Variants in KCNQ1 observed in about 807,000 individuals in gnomAD.
KCNQ1 encodes potassium voltage-gated channel subfamily Q member 1.
KCNQ1 carries 49 observed loss-of-function variants against 72.4 expected under a neutral mutation model. That is an observed-to-expected ratio of 0.68 (90% CI 0.54 to 0.86). KCNQ1 has a LOEUF of 0.86. Among genes scored for constraint, KCNQ1 ranks in the 40% least tolerant of loss-of-function variants. The probability of loss-of-function intolerance (pLI) is 0.00; values close to 1 mark genes in which losing one functional copy is unlikely to be tolerated. For missense variants in KCNQ1, 790 were observed against 945.1 expected, an observed-to-expected ratio of 0.84 and a Z score of 2.15; for synonymous variants, 450 against 412.6, an observed-to-expected ratio of 1.09 and a Z score of -1.10.
chr11:2,802,060 G>C (rs1847278003), intron 15 of KCNQ1, among the ~76,000 whole-genome samples: 1 of 152,238 alleles, frequency 6.6e-6, no homozygotes, highest in South Asian at 2.1e-4. Context: ...TGCGGAGCGG[G>C]GCGCGGTGGG....
At position 2,451,667 on chromosome 11, in the gene KCNQ1, G is replaced by C. The variant is rs1289585270; in HGVS notation, c.386+6183G>C. ...GCATCTGCCTGGCCGCCTCTGGCAG[G>C]AACTTCTCCTGATGGAAGAGCCGGG... is the stretch of plus-strand genomic sequence containing the variant. On this transcript the variant is annotated intron_variant, in intron 1 of 15. Coordinates refer to ENST00000155840, the MANE Select transcript of KCNQ1 (RefSeq NM_000218.3). The surrounding 1 kb of genome is among the most constrained non-coding windows in gnomAD (Gnocchi z 6.4). Among the ~76,000 whole-genome samples, 2 of 152,172 alleles carry C rather than the reference G, an allele frequency of 1.3e-5. No homozygotes were observed. Among genetic ancestry groups the C allele is most frequent in the Non-Finnish European group, 2.9e-5 (2 of 68,032 alleles).
intron 11 of KCNQ1, chr11:2,685,388 G>T (rs1053692405): frequency 3.3e-5 from 13 of 398,558 alleles, no homozygotes; most frequent in Admixed American, 2.6e-4. Context: ...ATGGGCAGGG[G>T]ATAGATGTGT....
intron 11 of KCNQ1, among the ~76,000 whole-genome samples, chr11:2,726,021 C>T (rs948746689): frequency 7.2e-5 from 11 of 152,370 alleles, no homozygotes; most frequent in African/African-American, 2.6e-4. Flanking sequence ...TTCATGAATT[C>T]CAGAGCACTT....
Position 2,598,783 on chromosome 11 carries a change from G to A in KCNQ1, c.1393+9929G>A, listed in dbSNP as rs531514774. ...CCCAGCTCTGCCATTTTCTTATGTG[G>A]CCCTAAGCAAGCTACTGCATTCTCT... On this transcript the variant is annotated intron_variant, in intron 10 of 15. Coordinates refer to ENST00000155840, the MANE Select transcript of KCNQ1 (RefSeq NM_000218.3). This position sits in a 1 kb window ranked among gnomAD's most constrained non-coding sequence, Gnocchi z 6.2. Among the ~76,000 whole-genome samples, 48 of 152,264 alleles carry A rather than the reference G, an allele frequency of 3.2e-4. No homozygotes were observed. The highest frequency in any genetic ancestry group is 9.9e-4 in the African/African-American group (41 of 41,538).
intron 15 of KCNQ1, among the ~76,000 whole-genome samples, chr11:2,807,796 C>T (rs531663647): frequency 2.6e-5 from 4 of 152,290 alleles, no homozygotes; most frequent in African/African-American, 9.6e-5. Context: ...CTCTTTCCCC[C>T]ATCACGATAC....
intron 2 of KCNQ1, among the ~76,000 whole-genome samples, chr11:2,531,058 ACCACAG>A (rs1259140107): frequency 6.6e-6 from 1 of 152,152 alleles, no homozygotes; most frequent in Admixed American, 6.5e-5. Context: ...GTCTGTCAGC[ACCACAG>A]CGTCCAAGTT....
rs1018275407 is a variant in KCNQ1 at position 2,818,618 on chromosome 11, C to A, written c.1795-29149C>A. On this transcript the variant is annotated intron_variant, in intron 15 of 15. Coordinates refer to ENST00000155840, the MANE Select transcript of KCNQ1 (RefSeq NM_000218.3). The surrounding 1 kb of genome is among the most constrained non-coding windows in gnomAD (Gnocchi z 7.2). ...GAGGCTGGAAGCCCCCGGAATGCGG[C>A]CCACCCTGTCTCCAGTTGTTCCCTA... Among the ~76,000 whole-genome samples the A allele has an allele frequency of 6.6e-6, 1 of 152,158 alleles. No individual in the cohort carries two copies. Among genetic ancestry groups the A allele is most frequent in the African/African-American group, 2.4e-5 (1 of 41,422 alleles).
rs1158232247 is a variant in KCNQ1, at chr11:2,672,437, C to T, written c.1514+10356C>T. On this transcript the variant is annotated intron_variant, in intron 11 of 15. Transcript: ENST00000155840. The stretch of plus-strand genomic sequence containing the variant: ...AGTACAGAACAGTCCACCCCAGGGG[C>T]TCTGAAGAGCTTCAATTGAGATATC... 5 of 398,500 alleles carry T rather than the reference C, an allele frequency of 1.3e-5. No individual in the cohort carries two copies. The Admixed American group carries it at 1.8e-4, about 14-fold the overall frequency. 24.7% of individuals were successfully genotyped at this position (398,500 alleles called of 1,614,324 possible). A position where few individuals can be genotyped will look rare whatever the true frequency, so the allele number is the denominator to read the frequency against.
chr11:2,534,611 C>T (rs977405411), intron 2 of KCNQ1, among the ~76,000 whole-genome samples: 1 of 152,170 alleles, frequency 6.6e-6, no homozygotes, highest in Non-Finnish European at 1.5e-5. Context: ...TGCCCAGGGA[C>T]GGGGGTACCC....
intron 10 of KCNQ1, chr11:2,610,468 ATT>A (rs1421159207): frequency 1.8e-5 from 7 of 397,968 alleles, no homozygotes; most frequent in Non-Finnish European, 3.1e-5. Context: ...GTTTTTATGG[ATT>A]TGAGTTACCA....
In KCNQ1 at chr11:2,647,390, T is replaced by G; in HGVS notation, c.1394-14571T>G. Reference sequence around the variant, plus strand: ...GATTCAGATTGCTAGTTTGTGTGTCTGTGTGTGTGTTTTGTTTCTGAGGAT... The same window carrying G: ...GATTCAGATTGCTAGTTTGTGTGTCGGTGTGTGTGTTTTGTTTCTGAGGAT... On this transcript the variant is annotated intron_variant, in intron 10 of 15. Coordinates refer to ENST00000155840, the MANE Select transcript of KCNQ1 (RefSeq NM_000218.3). The surrounding 1 kb of genome is among the most constrained non-coding windows in gnomAD (Gnocchi z 4.0). The G allele has an allele frequency of 2.5e-6, 1 of 398,606 alleles. No individual in the cohort carries two copies. The highest frequency in any genetic ancestry group is 3.6e-5 in the East Asian group (1 of 28,076). The allele number at this position is 398,606 out of a possible 1,614,324, so 24.7% of individuals were successfully genotyped here. A position where few individuals can be genotyped will look rare whatever the true frequency, so the allele number is the denominator to read the frequency against.
chr11:2,840,210 C>CAGATCATTGTAA (rs1564912880), intron 15 of KCNQ1: 1 of 150,636 alleles, frequency 6.6e-6, no homozygotes, highest in Non-Finnish European at 1.5e-5. Context: ...TCAGCATAAG[C>CAGATCATTGTAA]AGATCATTGT....
chr11:2,848,206 TGG>T lies in KCNQ1; in HGVS notation c.*207_*208del, dbSNP rs1848380049. 2 of 677,664 alleles carry T rather than the reference TGG, an allele frequency of 3.0e-6. No homozygotes were observed. Among genetic ancestry groups the T allele is most frequent in the African/African-American group, 3.6e-5 (2 of 56,328 alleles). 42.0% of individuals were successfully genotyped at this position (677,664 alleles called of 1,614,324 possible). ...CAAGGCCACCTCTTCCTGGCCGGTG[TGG>T]GGGCCCCGTCTCAGGTCTGAGTTGT... On this transcript the variant is annotated 3_prime_UTR_variant, in exon 16 of 16. Transcript: ENST00000155840.
intron 7 of KCNQ1, 123 bp from the exon 8 acceptor site, chr11:2,585,089 G>A: frequency 3.5e-6 from 3 of 856,274 alleles, no homozygotes; most frequent in Middle Eastern, 3.2e-4. Context: ...TGGGACTTGG[G>A]GGGGCTTCCA....
intron 10 of KCNQ1, chr11:2,638,332 T>G (rs1440892639): frequency 6.6e-6 from 1 of 152,248 alleles, no homozygotes; most frequent in Non-Finnish European, 1.5e-5. Context: ...CTTTCCATGT[T>G]TAGTGCTTCC....
intron 10 of KCNQ1, among the ~76,000 whole-genome samples, chr11:2,591,310 A>C (rs985801474): frequency 6.6e-6 from 1 of 152,232 alleles, no homozygotes; most frequent in African/African-American, 2.4e-5. Flanking sequence ...GGAAGTCAGC[A>C]GGCAAGACCA....
In KCNQ1 at chr11:2,612,797, G is replaced by T. The variant is rs1849002058; in HGVS notation, c.1393+23943G>T. On this transcript the variant is annotated intron_variant, in intron 10 of 15. Coordinates refer to ENST00000155840, the MANE Select transcript of KCNQ1 (RefSeq NM_000218.3). The surrounding 1 kb of genome is among the most constrained non-coding windows in gnomAD (Gnocchi z 5.5). ...AAGGGTCACAATTTTCTGTTTCTTTGCATATCTCATTTTTTTTGTTAAAAA... is the reference window on the plus strand; with the variant it reads ...AAGGGTCACAATTTTCTGTTTCTTTTCATATCTCATTTTTTTTGTTAAAAA... The T allele has an allele frequency of 2.5e-6, 1 of 398,232 alleles. No homozygotes were observed. Among genetic ancestry groups the T allele is most frequent in the Admixed American group, 4.4e-5 (1 of 22,688 alleles). The allele number at this position is 398,232 out of a possible 1,614,324, so 24.7% of individuals were successfully genotyped here.
chr11:2,573,478 A>G (rs1848372545), intron 6 of KCNQ1, among the ~76,000 whole-genome samples: 1 of 152,186 alleles, frequency 6.6e-6, no homozygotes. Flanking sequence ...AGGAAAGACC[A>G]TGATGGCTCA....
rs1800172 is a variant in KCNQ1, at chr11:2,847,899, G to A, written c.1927G>A (p.Gly643Ser). 4,657 of 1,580,300 alleles carry A rather than the reference G, an allele frequency of 2.9e-3. 73 individuals are homozygous for A. In the East Asian group the frequency reaches 0.048, roughly 16 times the overall value. ...CGGGGCCCACATCACCCAGCCCTGC[G>A]GCAGTGGCGGCTCCGTCGACCCTGA... ...EGGAHITQPC[G>S]SGGSVDPELF... is the part of the protein sequence containing the mutation. Residue 643 changes from glycine (G) to serine (S), a missense_variant, in exon 16 of 16, where the codon GGC becomes AGC. Physicochemically the swap from Gly to Ser is moderately conservative, Grantham distance 56. Coordinates refer to ENST00000155840, the MANE Select transcript of KCNQ1 (RefSeq NM_000218.3).
Sources: gnomAD v4.1 joint callset for allele counts (sites outside exome capture counted in the v4.1 genomes callset) on GRCh38, gnomAD v4.1.1 for gene constraint, Gnocchi (gnomAD v3.1) non-coding constraint, MANE v1.5 for transcripts, NCBI Gene and HGNC (gene_info 2026-07-23, HGNC 2026-07-21) for gene names.